ZBTB20: variants seen among roughly 807,000 people sequenced by gnomAD.
ZBTB20 encodes zinc finger and BTB domain-containing protein 20.
A neutral mutation model predicts 56.9 loss-of-function variants in ZBTB20; 9 were observed. That is an observed-to-expected ratio of 0.16 (90% CI 0.10 to 0.28). The LOEUF (loss-of-function observed/expected upper bound fraction) is 0.28. ZBTB20 is among the 10% of genes least tolerant of loss of function. The pLI, the probability that ZBTB20 is intolerant of heterozygous loss-of-function variation, is 1.00. For synonymous variants in ZBTB20, 417 were observed against 420.7 expected (o/e 0.99, Z 0.11); for missense variants, 655 against 1,003.0 (o/e 0.65, Z 4.69).
chr3:114,613,625 C>A (rs913897045), intron 6 of ZBTB20, among the ~76,000 whole-genome samples: 4 of 152,126 alleles, frequency 2.6e-5, no homozygotes, highest in Non-Finnish European at 5.9e-5. Flanking sequence ...TAAAAGTAAA[C>A]TCAGTACCAA....
At chr3:114,894,568 G>A (rs944347006) in intron 4 of ZBTB20, among the ~76,000 whole-genome samples, 3 of 152,144 alleles carry the variant, frequency 2.0e-5, no homozygotes, top group Non-Finnish European at 2.9e-5. Context: ...ATGCAATTAG[G>A]GTGGGCCTGA....
chr3:114,403,098 A>C (rs2086968335), intron 7 of ZBTB20, among the ~76,000 whole-genome samples: 1 of 152,218 alleles, frequency 6.6e-6, no homozygotes. Flanking sequence ...AACAAACCAC[A>C]CAACATTGCA....
Position 114,318,283 on chromosome 3 carries a change from TG to T in ZBTB20, c.*20721del, listed in dbSNP as rs1308225344. ...TCAGTGGTCTCTTGCCCCACCTTCC[TG>T]AGGGCTGGGGGGCCTTCACACCACC... On this transcript the variant is annotated 3_prime_UTR_variant, in exon 12 of 12. Coordinates refer to ENST00000675478, the MANE Select transcript of ZBTB20 (RefSeq NM_001348800.3). The T allele has an allele frequency of 1.3e-5, 2 of 152,276 alleles. No homozygotes were observed. The highest frequency in any genetic ancestry group is 4.8e-5 in the African/African-American group (2 of 41,468). The allele number at this position is 152,276 out of a possible 1,614,324, so 9.4% of individuals were successfully genotyped here.
At chr3:114,416,451 A>T (rs2088571903) in intron 7 of ZBTB20, among the ~76,000 whole-genome samples, 1 of 151,930 alleles carries the variant, frequency 6.6e-6, no homozygotes, top group South Asian at 2.1e-4. Flanking sequence ...TGCTTGCAAC[A>T]TACAGGGTTT....
rs116487058 is a variant in ZBTB20 at position 114,773,059 on chromosome 3, T to C, written c.-343+28042A>G. ...CTCTGACATATAGGGACAGCACACA[T>C]GCAAGGATCTAAAGATGGTTCCCAG... On this transcript the variant is annotated intron_variant, in intron 5 of 11. Coordinates refer to ENST00000675478, the MANE Select transcript of ZBTB20 (RefSeq NM_001348800.3). Among the ~76,000 whole-genome samples, 1,522 of 152,288 alleles carry C rather than the reference T, an allele frequency of 1.0e-2. 23 individuals are homozygous for C. The highest frequency in any genetic ancestry group is 0.012 in the Non-Finnish European group (788 of 68,014).
intron 4 of ZBTB20, among the ~76,000 whole-genome samples, chr3:114,833,166 T>C (rs955980665): frequency 9.9e-5 from 15 of 152,106 alleles, no homozygotes; most frequent in Non-Finnish European, 2.1e-4. Context: ...CATAAGAAAA[T>C]AGTCTGGTTC....
intron 7 of ZBTB20, among the ~76,000 whole-genome samples, chr3:114,402,327 T>C (rs1451241942): frequency 6.6e-6 from 1 of 151,770 alleles, no homozygotes; most frequent in Admixed American, 6.6e-5. Flanking sequence ...TTTGGAGTAC[T>C]CTCCAAATCC....
At chr3:114,975,490 G>A (rs2078060659) in intron 2 of ZBTB20, among the ~76,000 whole-genome samples, 1 of 152,110 alleles carries the variant, frequency 6.6e-6, no homozygotes, top group Admixed American at 6.6e-5. Context: ...TGCATGCACA[G>A]TATTTTTGCA....
At chr3:114,719,718 G>A (rs2064772108) in intron 5 of ZBTB20, among the ~76,000 whole-genome samples, 1 of 152,062 alleles carries the variant, frequency 6.6e-6, no homozygotes, top group Non-Finnish European at 1.5e-5. Context: ...TTGTTCTCTG[G>A]TTAGGATTTT....
chr3:114,803,051 T>C (rs2071834758), intron 4 of ZBTB20, among the ~76,000 whole-genome samples: 1 of 151,594 alleles, frequency 6.6e-6, no homozygotes, highest in Admixed American at 6.6e-5. Flanking sequence ...CCATGCCATT[T>C]CTCCTTCTCC....
intron 6 of ZBTB20, among the ~76,000 whole-genome samples, chr3:114,660,255 T>C (rs1400603808): frequency 6.6e-6 from 1 of 152,176 alleles, no homozygotes; most frequent in Non-Finnish European, 1.5e-5. Flanking sequence ...CAGGCTTTCG[T>C]TTCCCTCGGT....
chr3:115,074,869 C>T (rs568383537), intron 1 of ZBTB20, among the ~76,000 whole-genome samples: 2 of 152,184 alleles, frequency 1.3e-5, no homozygotes, highest in African/African-American at 4.8e-5. Flanking sequence ...TTAATTTTTA[C>T]TCACCTCTAC....
chr3:115,070,159 T>C (rs890076104), intron 2 of ZBTB20, among the ~76,000 whole-genome samples: 10 of 152,242 alleles, frequency 6.6e-5, no homozygotes, highest in South Asian at 2.1e-4. Flanking sequence ...GCAAACTGAA[T>C]GAGGGATCCT....
intron 6 of ZBTB20, among the ~76,000 whole-genome samples, chr3:114,539,519 G>C (rs964092157): frequency 3.3e-5 from 5 of 152,096 alleles, no homozygotes; most frequent in African/African-American, 1.2e-4. Flanking sequence ...AGAAACACAG[G>C]AACAGAGTAT....
chr3:114,787,826 T>C (rs1402505072), intron 5 of ZBTB20, among the ~76,000 whole-genome samples: 1 of 152,160 alleles, frequency 6.6e-6, no homozygotes, highest in African/African-American at 2.4e-5. Flanking sequence ...TAAGATAATT[T>C]GGTAAGAGAT....
intron 6 of ZBTB20, among the ~76,000 whole-genome samples, chr3:114,654,717 G>A (rs1003963704): frequency 2.0e-5 from 3 of 152,018 alleles, no homozygotes; most frequent in African/African-American, 7.2e-5. Flanking sequence ...TTAATTTCTT[G>A]TGTATTCTTA....
intron 1 of ZBTB20, among the ~76,000 whole-genome samples, chr3:115,101,905 C>G (rs989019149): frequency 3.9e-5 from 6 of 152,076 alleles, no homozygotes; most frequent in African/African-American, 1.4e-4. Flanking sequence ...AATCAGTTTT[C>G]AATTAAAAAT....
chr3:115,132,369 T>C (rs1022634525), intron 1 of ZBTB20, among the ~76,000 whole-genome samples: 2 of 152,182 alleles, frequency 1.3e-5, no homozygotes, highest in Non-Finnish European at 2.9e-5. Context: ...TTTCATCTTA[T>C]CTTTTATCCA....
At chr3:114,811,476 T>C (rs1002664122) in intron 4 of ZBTB20, among the ~76,000 whole-genome samples, 1 of 152,142 alleles carries the variant, frequency 6.6e-6, no homozygotes, top group Non-Finnish European at 1.5e-5. Flanking sequence ...GAGATAAACA[T>C]ATAGTATCTG....
Sources: allele counts gnomAD v4.1 joint callset (sites outside exome capture counted in the v4.1 genomes callset), GRCh38; gene constraint gnomAD v4.1.1; transcripts MANE v1.5; gene names NCBI Gene and HGNC (gene_info 2026-07-23, HGNC 2026-07-21).